The following DRC11L variants were observed in gnomAD, a reference collection of about 807,000 sequenced individuals.
DRC11L encodes the protein dynein regulatory complex subunit like-11.
At chr7:151,192,645 G>C in the DRC11L span, 1 of 399,026 alleles carries the variant, frequency 2.5e-6, no homozygotes. Flanking sequence ...AGGCCCCAGT[G>C]GTTGGGGTTT....
chr7:151,195,336 C>T, the DRC11L span: 28 of 398,910 alleles, frequency 7.0e-5, 2 homozygotes, highest in South Asian at 1.0e-3. Context: ...CAAGGTCTCA[C>T]AGCAGCAGAG....
chr7:151,196,541 G>T, the DRC11L span: 1 of 399,702 alleles, frequency 2.5e-6, no homozygotes, highest in Non-Finnish European at 4.4e-6. Flanking sequence ...TCTCACACCG[G>T]TTCTTCCATG....
chr7:151,194,990 A>T, the DRC11L span, among the ~76,000 whole-genome samples: 2 of 152,182 alleles, frequency 1.3e-5, no homozygotes, highest in Non-Finnish European at 2.9e-5. Flanking sequence ...ACAGACATTA[A>T]ATTCAAGCAG....
At chr7:151,195,553 C>T in the DRC11L span, 1 of 399,944 alleles carries the variant, frequency 2.5e-6, no homozygotes, top group Non-Finnish European at 4.4e-6. Flanking sequence ...CTCCCCTGCC[C>T]AGCCCCAGCC....
the DRC11L span, among the ~76,000 whole-genome samples, chr7:151,197,558 G>A: frequency 6.6e-6 from 1 of 152,180 alleles, no homozygotes; most frequent in African/African-American, 2.4e-5. Context: ...GTTCTGGTGA[G>A]AGCCACTGTT....
At chr7:151,203,732 A>G in the DRC11L span, among the ~76,000 whole-genome samples, 1 of 152,034 alleles carries the variant, frequency 6.6e-6, no homozygotes, top group Non-Finnish European at 1.5e-5. Flanking sequence ...CTGGAGGCTC[A>G]TGGTAGGTGG....
chr7:151,198,075 T>C, the DRC11L span, among the ~76,000 whole-genome samples: 1 of 148,500 alleles, frequency 6.7e-6, no homozygotes, highest in African/African-American at 2.5e-5. Flanking sequence ...GGCAGATGCA[T>C]GAGTGGATAG....
At chr7:151,202,935 G>T in the DRC11L span, 1 of 399,822 alleles carries the variant, frequency 2.5e-6, no homozygotes, top group Non-Finnish European at 4.4e-6. Context: ...CAGCTGCTTG[G>T]CCCTGACTGA....
the DRC11L span, chr7:151,198,701 G>A: frequency 2.5e-6 from 1 of 398,172 alleles, no homozygotes; most frequent in Non-Finnish European, 4.4e-6. Flanking sequence ...TGGACTAGAA[G>A]GCAGAACCCA....
chr7:151,205,217 G>A, the DRC11L span, among the ~76,000 whole-genome samples: 2 of 152,042 alleles, frequency 1.3e-5, no homozygotes, highest in African/African-American at 4.8e-5. Flanking sequence ...GATGGGAAGT[G>A]GGGGTGAGGG....
At chr7:151,195,260 C>G in the DRC11L span, among the ~76,000 whole-genome samples, 141,504 of 152,150 alleles carry the variant, frequency 0.93, 66,014 homozygotes, top group East Asian at 1. Flanking sequence ...CGGCTATCAC[C>G]TGAGTTTGGC....
At chr7:151,193,455 G>A in the DRC11L span, 7 of 399,330 alleles carry the variant, frequency 1.8e-5, no homozygotes, top group South Asian at 3.8e-4. Flanking sequence ...AGGATGGAGC[G>A]GATGAGTGGG....
chr7:151,202,819 C>G, the DRC11L span: 2 of 398,720 alleles, frequency 5.0e-6, no homozygotes, highest in Non-Finnish European at 8.8e-6. Context: ...AGAATCCAAG[C>G]ACTTGCACTC....
the DRC11L span, chr7:151,195,628 T>C: frequency 2.5e-6 from 1 of 399,748 alleles, no homozygotes; most frequent in East Asian, 3.6e-5. Context: ...AGACGGAGCT[T>C]CCTCAGCTCC....
the DRC11L span, chr7:151,195,366 C>A: frequency 2.5e-6 from 1 of 398,962 alleles, no homozygotes; most frequent in South Asian, 1.3e-4. Flanking sequence ...GCAGTCAGGT[C>A]CCTGGACTGG....
the DRC11L span, chr7:151,193,575 AG>A: frequency 2.5e-6 from 1 of 398,978 alleles, no homozygotes; most frequent in Admixed American, 4.4e-5. Flanking sequence ...GGTCAGGCCA[AG>A]GGCCTAGGGC....
chr7:151,192,191 G>C, the DRC11L span: 1 of 398,474 alleles, frequency 2.5e-6, no homozygotes, highest in Non-Finnish European at 4.4e-6. Context: ...CTGTGGGGGT[G>C]AGGGCTCGCA....
chr7:151,194,406 A>G, the DRC11L span: 1 of 398,938 alleles, frequency 2.5e-6, no homozygotes, highest in African/African-American at 2.1e-5. Flanking sequence ...ACACTCTCCG[A>G]GTGGCAATCA....
chr7:151,191,797 G>A, the DRC11L span: 3 of 399,072 alleles, frequency 7.5e-6, no homozygotes, highest in South Asian at 1.3e-4. Flanking sequence ...TGTAGCCATC[G>A]GAGACCTTGG....
Sources: allele counts gnomAD v4.1 joint callset (sites outside exome capture counted in the v4.1 genomes callset), GRCh38; gene constraint gnomAD v4.1.1; transcripts MANE v1.5; gene names NCBI Gene and HGNC (gene_info 2026-07-23, HGNC 2026-07-21).